OPCML: variants seen among roughly 807,000 people sequenced by gnomAD.
The protein encoded by OPCML is opioid-binding protein/cell adhesion molecule.
OPCML carries 13 observed loss-of-function variants against 37.8 expected under a neutral mutation model. That is an observed-to-expected ratio of 0.34 (90% CI 0.22 to 0.55). OPCML has a LOEUF of 0.55. OPCML is among the 20% of genes least tolerant of loss of function. OPCML has a pLI of 0.91. For missense variants in OPCML, 341 were observed against 435.6 expected (o/e 0.78, Z 1.93); for synonymous variants, 176 against 168.8 (o/e 1.04, Z -0.33).
chr11:132,439,353 C>T (rs901780785), intron 4 of OPCML, among the ~76,000 whole-genome samples: 1 of 152,178 alleles, frequency 6.6e-6, no homozygotes, highest in African/African-American at 2.4e-5. Flanking sequence ...GGAACTTAGA[C>T]AATTTCAAGA....
intron 2 of OPCML, among the ~76,000 whole-genome samples, chr11:132,734,677 T>C (rs1945192353): frequency 6.6e-6 from 1 of 152,202 alleles, no homozygotes; most frequent in Non-Finnish European, 1.5e-5. Flanking sequence ...TTTAATCCAC[T>C]ATGGATTGGG....
chr11:132,561,610 A>T (rs2096410918), intron 3 of OPCML, among the ~76,000 whole-genome samples: 1 of 152,174 alleles, frequency 6.6e-6, no homozygotes, highest in African/African-American at 2.4e-5. Flanking sequence ...ATGCTGGGGG[A>T]CCATATGGCT....
Position 132,961,765 on chromosome 11 carries a change from G to A in OPCML, c.62-18755C>T, listed in dbSNP as rs184971161. The stretch of plus-strand genomic sequence containing the variant: ...AGCCTACAGATCCCTGGCCATTGCT[G>A]GACCACTGGCCTTTCTAGGAAAATA... On this transcript the variant is annotated intron_variant, in intron 1 of 7. Transcript: ENST00000524381. Among the ~76,000 whole-genome samples, 366 of 152,256 alleles carry A rather than the reference G, an allele frequency of 2.4e-3. 4 individuals carry two copies. The highest frequency in any genetic ancestry group is 3.6e-3 in the Non-Finnish European group (244 of 68,026).
At chr11:132,774,406 C>T (rs1307691895) in intron 2 of OPCML, among the ~76,000 whole-genome samples, 3 of 152,022 alleles carry the variant, frequency 2.0e-5, no homozygotes, top group Admixed American at 6.5e-5. Context: ...TTTTTTTCAT[C>T]GTACAGGCTC....
At chr11:133,127,319 A>C (rs1208444359) in intron 1 of OPCML, among the ~76,000 whole-genome samples, 2 of 152,160 alleles carry the variant, frequency 1.3e-5, no homozygotes, top group African/African-American at 4.8e-5. Context: ...GGTCATTTGA[A>C]GGAGAAAATG....
chr11:132,877,468 G>C (rs1346447218), intron 2 of OPCML, among the ~76,000 whole-genome samples: 1 of 152,194 alleles, frequency 6.6e-6, no homozygotes, highest in East Asian at 1.9e-4. Flanking sequence ...CACCTGAAGA[G>C]TTCATTTGAC....
chr11:133,049,949 G>A (rs545758224), intron 1 of OPCML, among the ~76,000 whole-genome samples: 2 of 152,184 alleles, frequency 1.3e-5, no homozygotes, highest in Non-Finnish European at 2.9e-5. Context: ...TGATCTAGGT[G>A]CTCCTGTACA....
chr11:132,931,258 G>A (rs565643212), intron 2 of OPCML, among the ~76,000 whole-genome samples: 1 of 152,130 alleles, frequency 6.6e-6, no homozygotes, highest in South Asian at 2.1e-4. Flanking sequence ...ATTTGTTGGT[G>A]CCTTCTTAGA....
chr11:132,861,432 C>CA (rs1318757025), intron 2 of OPCML, among the ~76,000 whole-genome samples: 1 of 152,240 alleles, frequency 6.6e-6, no homozygotes, highest in Non-Finnish European at 1.5e-5. Context: ...AAAATGTCTA[C>CA]ATATGTATAT....
At position 132,839,914 on chromosome 11, in the gene OPCML, G is replaced by A. The variant is rs376421438; in HGVS notation, c.146+103012C>T. ...TTGCTTTGTGGACAGAGTGTCTTCC[G>A]TCCCATTAAGACTTCCTTCGGCTTT... is the stretch of plus-strand genomic sequence containing the variant. On this transcript the variant is annotated intron_variant, in intron 2 of 7. Coordinates refer to ENST00000524381, the MANE Select transcript of OPCML (RefSeq NM_001012393.5). 5.9e-5 allele frequency among the ~76,000 whole-genome samples: 9 copies of A among 152,234 alleles called. No homozygotes were observed. In the South Asian group the frequency reaches 8.3e-4, roughly 14 times the overall value.
chr11:132,491,711 G>A (rs2096216284), intron 4 of OPCML, among the ~76,000 whole-genome samples: 1 of 152,200 alleles, frequency 6.6e-6, no homozygotes, highest in South Asian at 2.1e-4. Flanking sequence ...TGTTCTAGGG[G>A]TGGGGTCTAC....
intron 1 of OPCML, among the ~76,000 whole-genome samples, chr11:133,530,022 A>G (rs1948571697): frequency 6.6e-6 from 1 of 152,152 alleles, no homozygotes; most frequent in Non-Finnish European, 1.5e-5. Flanking sequence ...CAAAGCAGGT[A>G]ACAGACTCTT....
At chr11:133,032,681 A>T (rs533200155) in intron 1 of OPCML, among the ~76,000 whole-genome samples, 1 of 152,204 alleles carries the variant, frequency 6.6e-6, no homozygotes, top group Non-Finnish European at 1.5e-5. Flanking sequence ...CAAGATCCCA[A>T]TGTAAGATAC....
chr11:133,303,805 C>T (rs541423613), intron 1 of OPCML, among the ~76,000 whole-genome samples: 1 of 152,152 alleles, frequency 6.6e-6, no homozygotes, highest in Admixed American at 6.5e-5. Flanking sequence ...GTGGAAGACA[C>T]TGTTGAATAG....
intron 2 of OPCML, among the ~76,000 whole-genome samples, chr11:132,913,061 A>G (rs1409240428): frequency 6.6e-6 from 1 of 152,214 alleles, no homozygotes; most frequent in Non-Finnish European, 1.5e-5. Context: ...CAACCTGGCA[A>G]ATATTCTACA....
intron 1 of OPCML, among the ~76,000 whole-genome samples, chr11:133,478,287 C>G (rs1764124934): frequency 6.6e-6 from 1 of 152,176 alleles, no homozygotes; most frequent in South Asian, 2.1e-4. Flanking sequence ...GTCCTTCTCC[C>G]CTGCCTCTCC....
chr11:132,687,536 T>C (rs892064635), intron 2 of OPCML, among the ~76,000 whole-genome samples: 3 of 150,686 alleles, frequency 2.0e-5, no homozygotes, highest in African/African-American at 7.3e-5. Context: ...TTCCTCAGCA[T>C]AGAAAATTAT....
At chr11:133,476,182 A>G (rs1481912929) in intron 1 of OPCML, among the ~76,000 whole-genome samples, 1 of 152,162 alleles carries the variant, frequency 6.6e-6, no homozygotes, top group Non-Finnish European at 1.5e-5. Context: ...TTTTCAACAT[A>G]CAGGCTCATC....
chr11:133,159,641 A>C (rs1950115159), intron 1 of OPCML, among the ~76,000 whole-genome samples: 2 of 152,228 alleles, frequency 1.3e-5, no homozygotes, highest in Admixed American at 6.5e-5. Flanking sequence ...TATTGCGTAG[A>C]GAAGGAAAGT....
Sources: gnomAD v4.1 joint callset for allele counts (sites outside exome capture counted in the v4.1 genomes callset) on GRCh38, gnomAD v4.1.1 for gene constraint, MANE v1.5 for transcripts, NCBI Gene and HGNC (gene_info 2026-07-23, HGNC 2026-07-21) for gene names.